COX16: variants seen among roughly 807,000 people sequenced by gnomAD.
COX16 encodes the protein cytochrome c oxidase assembly factor COX16, also known as cytochrome c oxidase assembly protein COX16 homolog, mitochondrial.
A neutral mutation model predicts 15.4 loss-of-function variants in COX16; 12 were observed. The ratio of observed to expected loss-of-function variants is 0.78; its 90% CI spans 0.50 to 1.26. COX16 has a LOEUF of 1.26. Among genes scored for constraint, COX16 ranks in the 50% most tolerant of loss-of-function variants. The pLI is 0.00. For synonymous variants in COX16, 46 were observed against 41.1 expected, an observed-to-expected ratio of 1.12 and a Z score of -0.46; for missense variants, 124 against 127.6, an observed-to-expected ratio of 0.97 and a Z score of 0.14.
At chr14:70,335,314 C>T (rs1886416590) in intron 2 of COX16, among the ~76,000 whole-genome samples, 1 of 152,108 alleles carries the variant, frequency 6.6e-6, no homozygotes, top group Admixed American at 6.6e-5. Flanking sequence ...TCAACAAAGA[C>T]ACATTAAAGT....
intron 2 of COX16, among the ~76,000 whole-genome samples, chr14:70,335,541 A>T (rs893767373): frequency 2.6e-5 from 4 of 151,282 alleles, no homozygotes; most frequent in Non-Finnish European, 5.9e-5. Flanking sequence ...TAACAAGAGG[A>T]GCTTTGGAAG....
intron 2 of COX16, among the ~76,000 whole-genome samples, chr14:70,330,651 A>C (rs888895944): frequency 1.3e-5 from 2 of 152,252 alleles, no homozygotes; most frequent in African/African-American, 4.8e-5. Context: ...GGCGAAGTTA[A>C]TTTGGAAATC....
intron 1 of COX16, among the ~76,000 whole-genome samples, chr14:70,349,998 C>A (rs34473038): frequency 0.072 from 10,904 of 152,250 alleles, 558 homozygotes; most frequent in Non-Finnish European, 0.11. Flanking sequence ...TTAAGGTTTT[C>A]TTTTTCCAAG....
chr14:70,332,891 G>A (rs1353055664), intron 2 of COX16, among the ~76,000 whole-genome samples: 2 of 152,250 alleles, frequency 1.3e-5, no homozygotes, highest in African/African-American at 4.8e-5. Context: ...CAAGTACCTG[G>A]TCAGCATTCC....
chr14:70,328,071 G>GTTTTTTTTT, intron 3 of COX16: 1 of 59,074 alleles, frequency 1.7e-5, no homozygotes, highest in Non-Finnish European at 3.2e-5. Context: ...CTGAGAATAA[G>GTTTTTTTTT]ATTTTTTTTT....
At chr14:70,339,020 T>A (rs1438660943) in intron 2 of COX16, among the ~76,000 whole-genome samples, 1 of 152,248 alleles carries the variant, frequency 6.6e-6, no homozygotes, top group Non-Finnish European at 1.5e-5. Flanking sequence ...CTGGCACTGA[T>A]ATTATAATTG....
At chr14:70,342,041 A>C (rs561290370) in intron 2 of COX16, among the ~76,000 whole-genome samples, 45 of 152,244 alleles carry the variant, frequency 3.0e-4, no homozygotes, top group Non-Finnish European at 6.2e-4. Context: ...AAAATAAAGC[A>C]AAATTATTGA....
intron 1 of COX16, among the ~76,000 whole-genome samples, chr14:70,355,596 T>C (rs75078204): frequency 2.8e-3 from 429 of 152,332 alleles, no homozygotes; most frequent in Non-Finnish European, 5.0e-3. Context: ...CAAAATATTA[T>C]AGTAGGCTAC....
chr14:70,330,178 T>C (rs1166603027), intron 2 of COX16, among the ~76,000 whole-genome samples: 1 of 151,968 alleles, frequency 6.6e-6, no homozygotes, highest in Non-Finnish European at 1.5e-5. Context: ...AAGTCACAAA[T>C]AAAGAGTATT....
At chr14:70,356,569 AG>A (rs1887132165) in intron 1 of COX16, among the ~76,000 whole-genome samples, 1 of 152,230 alleles carries the variant, frequency 6.6e-6, no homozygotes, top group African/African-American at 2.4e-5. Context: ...GATAAATCAG[AG>A]ATTAGAATTA....
At chr14:70,351,197 C>T (rs12588623) in intron 1 of COX16, among the ~76,000 whole-genome samples, 29,367 of 152,012 alleles carry the variant, frequency 0.19, 3,670 homozygotes, top group East Asian at 0.62. Context: ...CTGTTTCCAA[C>T]TTATTGGTTG....
intron 2 of COX16, among the ~76,000 whole-genome samples, chr14:70,336,263 C>T (rs1298263510): frequency 8.7e-6 from 1 of 114,898 alleles, no homozygotes; most frequent in African/African-American, 2.8e-5. Flanking sequence ...CTCAAAAAAA[C>T]AAAAAACAAA....
intron 2 of COX16, among the ~76,000 whole-genome samples, chr14:70,337,597 TATAAC>T (rs1445279642): frequency 6.6e-6 from 1 of 152,040 alleles, no homozygotes; most frequent in Non-Finnish European, 1.5e-5. Context: ...GATAGAATCA[TATAAC>T]TGAAAAAACA....
intron 1 of COX16, among the ~76,000 whole-genome samples, chr14:70,357,211 C>T (rs1417751817): frequency 9.0e-6 from 1 of 111,520 alleles, no homozygotes; most frequent in Non-Finnish European, 1.8e-5. Flanking sequence ...AATTGTTTAA[C>T]ATTATGACTG....
chr14:70,353,281 G>GA (rs1213721682), intron 1 of COX16, among the ~76,000 whole-genome samples: 1 of 147,432 alleles, frequency 6.8e-6, no homozygotes, highest in Non-Finnish European at 1.5e-5. Flanking sequence ...GAAAGAAAAA[G>GA]AAAAAAAATC....
At chr14:70,354,841 C>CGTGTGT (rs55646280) in intron 1 of COX16, among the ~76,000 whole-genome samples, 66,660 of 148,780 alleles carry the variant, frequency 0.45, 15,412 homozygotes, top group South Asian at 0.56. Flanking sequence ...TGTGTGTGTG[C>CGTGTGT]GTGTGTGTGT....
At chr14:70,342,428 G>A (rs1566601775) in intron 2 of COX16, among the ~76,000 whole-genome samples, 1 of 152,178 alleles carries the variant, frequency 6.6e-6, no homozygotes, top group Non-Finnish European at 1.5e-5. Flanking sequence ...CTGAGCGACA[G>A]AGTGAGACCC....
intron 1 of COX16, 87 bp from the exon 2 acceptor site, chr14:70,342,816 A>G (rs1886662982): frequency 1.3e-5 from 18 of 1,366,686 alleles, no homozygotes; most frequent in South Asian, 9.2e-5. Context: ...CTAAACAACA[A>G]TAGAGGCACA....
chr14:70,331,010 A>G (rs1886270313), intron 2 of COX16, among the ~76,000 whole-genome samples: 1 of 152,156 alleles, frequency 6.6e-6, no homozygotes, highest in Admixed American at 6.5e-5. Flanking sequence ...AATATATTGT[A>G]TTGAACTTTT....
Sources: gnomAD v4.1 joint callset for allele counts (sites outside exome capture counted in the v4.1 genomes callset) on GRCh38, gnomAD v4.1.1 for gene constraint, MANE v1.5 for transcripts, NCBI Gene and HGNC (gene_info 2026-07-23, HGNC 2026-07-21) for gene names.